BMPR1B: variants seen among roughly 807,000 people sequenced by gnomAD.
The protein encoded by BMPR1B is bone morphogenetic protein receptor type 1B.
In BMPR1B, 12 loss-of-function variants were observed where a neutral mutation model predicts 59.1. The ratio of observed to expected loss-of-function variants is 0.20; its 90% CI spans 0.13 to 0.33. The LOEUF (loss-of-function observed/expected upper bound fraction) is 0.33. Among genes scored for constraint, BMPR1B ranks in the 10% least tolerant of loss-of-function variants. The probability of loss-of-function intolerance (pLI) is 1.00; values close to 1 mark genes in which losing one functional copy is unlikely to be tolerated. For synonymous variants in BMPR1B, 237 were observed against 207.3 expected (o/e 1.14, Z -1.23); for missense variants, 550 against 610.9 (o/e 0.90, Z 1.05).
Position 95,130,976 on chromosome 4 carries a change from C to T in BMPR1B, c.779-239C>T, listed in dbSNP as rs10020529. On this transcript the variant is annotated intron_variant, in intron 9 of 12. Coordinates refer to ENST00000515059, the MANE Select transcript of BMPR1B (RefSeq NM_001203.3). ...AACTCCTGACCTCAAGTGATCCACC[C>T]GCCATGGCCTCCCGATGTGCTTGGA... 0.16 allele frequency among the ~76,000 whole-genome samples: 23,846 copies of T among 151,812 alleles called. 2,522 individuals carry two copies. The highest frequency in any genetic ancestry group is 0.23 in the Non-Finnish European group (15,659 of 67,908).
chr4:94,903,514 C>CTT (rs374791371), intron 2 of BMPR1B, among the ~76,000 whole-genome samples: 19 of 139,216 alleles, frequency 1.4e-4, no homozygotes, highest in Middle Eastern at 3.8e-3. Flanking sequence ...ATATTACTTA[C>CTT]TTTTTTTTTT....
At chr4:95,116,421 G>GCACACACACACACACACACACACA (rs35436544) in intron 6 of BMPR1B, among the ~76,000 whole-genome samples, 54 of 123,234 alleles carry the variant, frequency 4.4e-4, no homozygotes, top group Non-Finnish European at 5.4e-4. Context: ...TTCAGCGCGC[G>GCACACACACACACACACACACACA]CACACACACA....
At chr4:94,788,609 C>T (rs1472779545) in intron 1 of BMPR1B, among the ~76,000 whole-genome samples, 1 of 152,092 alleles carries the variant, frequency 6.6e-6, no homozygotes, top group African/African-American at 2.4e-5. Context: ...GGACCAGCTG[C>T]AAAAGGCACA....
At chr4:94,991,814 T>C (rs944770790) in intron 2 of BMPR1B, among the ~76,000 whole-genome samples, 1 of 152,190 alleles carries the variant, frequency 6.6e-6, no homozygotes, top group Non-Finnish European at 1.5e-5. Flanking sequence ...GAAAGTAATC[T>C]GAGTGAGGTT....
rs954937451 is a variant in BMPR1B, at chr4:94,778,026, CA to C, written c.-183+19969del. Among the ~76,000 whole-genome samples the C allele has an allele frequency of 8.8e-3, 1,155 of 131,698 alleles. 6 individuals carry two copies. Among genetic ancestry groups the C allele is most frequent in the African/African-American group, 0.029 (1,044 of 35,722 alleles). The allele number at this position is 131,698 out of a possible 152,430, so 86.4% of individuals were successfully genotyped here. On this transcript the variant is annotated intron_variant, in intron 1 of 12. Coordinates refer to ENST00000515059, the MANE Select transcript of BMPR1B (RefSeq NM_001203.3). ...GGGCGACAAGAGCAAAACTCCATCT[CA>C]AAAAAAAAAAGTGTATATATATGTA...
chr4:94,978,569 T>C (rs1279038248), intron 2 of BMPR1B, among the ~76,000 whole-genome samples: 2 of 152,196 alleles, frequency 1.3e-5, no homozygotes, highest in East Asian at 3.8e-4. Context: ...GAATGAAATT[T>C]TATGACCTGC....
At chr4:95,104,145 G>A (rs1271758438) in intron 3 of BMPR1B, among the ~76,000 whole-genome samples, 1 of 151,838 alleles carries the variant, frequency 6.6e-6, no homozygotes, top group African/African-American at 2.4e-5. Context: ...TGAGCTCCTT[G>A]CACTGTATTA....
intron 3 of BMPR1B, among the ~76,000 whole-genome samples, chr4:95,056,570 G>A (rs2149197432): frequency 6.6e-6 from 1 of 152,316 alleles, no homozygotes; most frequent in African/African-American, 2.4e-5. Flanking sequence ...GTCTATGTCT[G>A]TCTCTCTCTG....
chr4:95,034,297 C>T (rs1725075820), intron 3 of BMPR1B, among the ~76,000 whole-genome samples: 1 of 151,870 alleles, frequency 6.6e-6, no homozygotes, highest in Non-Finnish European at 1.5e-5. Context: ...ATTATTATTT[C>T]AGTAGTTTTA....
At chr4:94,957,562 A>C (rs1239545815) in intron 2 of BMPR1B, among the ~76,000 whole-genome samples, 1 of 151,194 alleles carries the variant, frequency 6.6e-6, no homozygotes. Flanking sequence ...TTGCACTGCA[A>C]CTTTAGGTAA....
chr4:95,034,666 G>C lies in BMPR1B; in HGVS notation c.-18+38532G>C, dbSNP rs116726968. Among the ~76,000 whole-genome samples, 1,224 of 151,272 alleles carry C rather than the reference G, an allele frequency of 8.1e-3. 23 individuals are homozygous for C. The highest frequency in any genetic ancestry group is 0.029 in the African/African-American group (1,175 of 41,206). On this transcript the variant is annotated intron_variant, in intron 3 of 12. Transcript: ENST00000515059. ...TTATATATATATATATATGCTCCAT[G>C]TTTTCTTTGGTTGATGGGCATTTGG...
chr4:95,023,030 C>G (rs1724104300), intron 3 of BMPR1B, among the ~76,000 whole-genome samples: 1 of 152,078 alleles, frequency 6.6e-6, no homozygotes, highest in African/African-American at 2.4e-5. Flanking sequence ...TTCTTTATTT[C>G]CAGAAATACA....
chr4:94,944,105 A>T (rs1398256907), intron 2 of BMPR1B, among the ~76,000 whole-genome samples: 1 of 152,174 alleles, frequency 6.6e-6, no homozygotes, highest in Non-Finnish European at 1.5e-5. Flanking sequence ...TATAAGGTAT[A>T]TATGAAACAT....
intron 3 of BMPR1B, among the ~76,000 whole-genome samples, chr4:95,042,963 C>T (rs940408553): frequency 1.3e-5 from 2 of 151,476 alleles, no homozygotes; most frequent in Non-Finnish European, 2.9e-5. Context: ...ATCATGAGGT[C>T]AGGAGATCGA....
At chr4:95,006,686 C>T (rs996125198) in intron 3 of BMPR1B, among the ~76,000 whole-genome samples, 5 of 151,544 alleles carry the variant, frequency 3.3e-5, no homozygotes, top group South Asian at 4.2e-4. Context: ...GGATTACAGG[C>T]GCACCACCAC....
intron 2 of BMPR1B, among the ~76,000 whole-genome samples, chr4:94,949,099 T>A (rs925000068): frequency 2.0e-4 from 30 of 152,126 alleles, no homozygotes; most frequent in African/African-American, 6.8e-4. Flanking sequence ...CATTAGGTAT[T>A]TCTTCTAATG....
At position 95,022,638 on chromosome 4, in the gene BMPR1B, G is replaced by A. The variant is rs150361385; in HGVS notation, c.-18+26504G>A. ...TCTGAGCTTTAATGTTATGTTCTACGGCAGGAAAATATTTTTATTTTTATT... is the reference window on the plus strand; with the variant it reads ...TCTGAGCTTTAATGTTATGTTCTACAGCAGGAAAATATTTTTATTTTTATT... On this transcript the variant is annotated intron_variant, in intron 3 of 12. Transcript: ENST00000515059. Among the ~76,000 whole-genome samples the A allele has an allele frequency of 5.3e-3, 801 of 151,828 alleles. 7 individuals carry two copies. The highest frequency in any genetic ancestry group is 0.018 in the African/African-American group (726 of 41,410).
At chr4:95,076,518 G>A (rs1317914604) in intron 3 of BMPR1B, among the ~76,000 whole-genome samples, 4 of 151,950 alleles carry the variant, frequency 2.6e-5, no homozygotes, top group Non-Finnish European at 4.4e-5. Context: ...ACTTATATGA[G>A]GCAAACTGTT....
At chr4:95,109,146 T>TA (rs1731424307) in intron 4 of BMPR1B, among the ~76,000 whole-genome samples, 1 of 152,152 alleles carries the variant, frequency 6.6e-6, no homozygotes, top group Admixed American at 6.6e-5. Context: ...GTTATGCATT[T>TA]AAAAAATTAT....
Sources: allele counts gnomAD v4.1 joint callset (sites outside exome capture counted in the v4.1 genomes callset), GRCh38; gene constraint gnomAD v4.1.1; transcripts MANE v1.5; gene names NCBI Gene and HGNC (gene_info 2026-07-23, HGNC 2026-07-21).